The following ZNF804A variants were observed in gnomAD, a reference collection of about 807,000 sequenced individuals.
ZNF804A encodes the protein zinc finger protein 804A.
ZNF804A carries 2 observed loss-of-function variants against 16.5 expected under a neutral mutation model. The ratio of observed to expected loss-of-function variants is 0.12; its 90% CI spans 0.05 to 0.38. The LOEUF is 0.38. ZNF804A is among the 10% of genes least tolerant of loss of function. ZNF804A has a pLI of 0.99. For synonymous variants in ZNF804A, 534 were observed against 489.6 expected (o/e 1.09, Z -1.20); for missense variants, 1,473 against 1,390.7 (o/e 1.06, Z -0.94).
At chr2:184,930,530 A>G (rs865880298) in intron 2 of ZNF804A, among the ~76,000 whole-genome samples, 3 of 152,208 alleles carry the variant, frequency 2.0e-5, no homozygotes, top group African/African-American at 7.2e-5. Flanking sequence ...TCTATAAATC[A>G]TGTCAATTTA....
At chr2:184,801,950 G>A (rs1694733633) in intron 1 of ZNF804A, among the ~76,000 whole-genome samples, 1 of 152,158 alleles carries the variant, frequency 6.6e-6, no homozygotes, top group African/African-American at 2.4e-5. Context: ...GAGTTGGACT[G>A]TGTTTAACAT....
At chr2:184,683,853 A>G (rs933216351) in intron 1 of ZNF804A, among the ~76,000 whole-genome samples, 32 of 152,098 alleles carry the variant, frequency 2.1e-4, no homozygotes, top group Non-Finnish European at 7.3e-5. Flanking sequence ...CTTTCTTATC[A>G]TATGTTCTAT....
rs1335634653 is a variant in ZNF804A, at chr2:184,936,910, C to T, written c.1514C>T (p.Thr505Ile). ...GPLSDYKDVS[T>I]EGLTDYEIGS... The stretch of plus-strand genomic sequence containing the variant: ...CTTTCAGATTACAAGGATGTATCTA[C>T]AGAAGGACTCACTGATTATGAAATT... The change falls in exon 4 of 4, where the codon ACA (threonine) becomes ATA (isoleucine). Residue 505 changes from threonine to isoleucine, a missense_variant. Physicochemically the swap from Thr to Ile is moderately conservative, Grantham distance 89 (BLOSUM62 -1). Coordinates refer to ENST00000302277, the MANE Select transcript of ZNF804A (RefSeq NM_194250.2). The T allele has an allele frequency of 8.1e-6, 13 of 1,613,780 alleles. No homozygotes were observed. The highest frequency in any genetic ancestry group is 2.2e-5 in the East Asian group (1 of 44,860).
intron 1 of ZNF804A, among the ~76,000 whole-genome samples, chr2:184,856,030 C>T (rs2105806417): frequency 6.6e-6 from 1 of 152,050 alleles, no homozygotes; most frequent in African/African-American, 2.4e-5. Flanking sequence ...CAAAACGATT[C>T]TGAAGCAAGG....
chr2:184,770,014 G>C (rs1391369639), intron 1 of ZNF804A, among the ~76,000 whole-genome samples: 1 of 151,974 alleles, frequency 6.6e-6, no homozygotes, highest in East Asian at 1.9e-4. Context: ...TTCGAAGAAA[G>C]ATTGTCATAT....
At chr2:184,820,688 C>A (rs1214450500) in intron 1 of ZNF804A, among the ~76,000 whole-genome samples, 2 of 152,042 alleles carry the variant, frequency 1.3e-5, no homozygotes, top group Non-Finnish European at 2.9e-5. Context: ...AGCCCAGAAG[C>A]TTCTTAAGCC....
intron 1 of ZNF804A, among the ~76,000 whole-genome samples, chr2:184,765,265 TTGG>T (rs1694100685): frequency 6.6e-6 from 1 of 151,992 alleles, no homozygotes; most frequent in African/African-American, 2.4e-5. Context: ...CAGGAGTAAA[TTGG>T]AACGTGCTGC....
chr2:184,777,940 A>T (rs1027664971), intron 1 of ZNF804A, among the ~76,000 whole-genome samples: 1 of 151,702 alleles, frequency 6.6e-6, no homozygotes, highest in Non-Finnish European at 1.5e-5. Flanking sequence ...AATTGACTGA[A>T]CAGCATACTG....
chr2:184,912,951 T>C (rs999043421), intron 2 of ZNF804A, among the ~76,000 whole-genome samples: 1 of 152,226 alleles, frequency 6.6e-6, no homozygotes, highest in East Asian at 1.9e-4. Context: ...CCCATTAATA[T>C]ATTTTTCTTT....
intron 1 of ZNF804A, among the ~76,000 whole-genome samples, chr2:184,743,533 A>G (rs1238433628): frequency 1.3e-5 from 2 of 151,994 alleles, no homozygotes; most frequent in Non-Finnish European, 2.9e-5. Context: ...CAAATGAAAG[A>G]TAAAGAATGT....
At chr2:184,755,525 T>C (rs558965305) in intron 1 of ZNF804A, among the ~76,000 whole-genome samples, 1 of 152,146 alleles carries the variant, frequency 6.6e-6, no homozygotes, top group African/African-American at 2.4e-5. Context: ...GCTTCTTATA[T>C]TGTCATTTTC....
chr2:184,609,608 C>T (rs578177649), intron 1 of ZNF804A, among the ~76,000 whole-genome samples: 4 of 152,284 alleles, frequency 2.6e-5, no homozygotes, highest in African/African-American at 7.2e-5. Flanking sequence ...CCATATCTGG[C>T]GAGGACCTGC....
intron 1 of ZNF804A, among the ~76,000 whole-genome samples, chr2:184,703,285 G>T (rs570819098): frequency 3.9e-5 from 6 of 152,256 alleles, no homozygotes; most frequent in African/African-American, 1.4e-4. Flanking sequence ...TAGTATAAAT[G>T]GAATCTGTTA....
At chr2:184,728,910 A>G (rs1693466601) in intron 1 of ZNF804A, among the ~76,000 whole-genome samples, 1 of 151,952 alleles carries the variant, frequency 6.6e-6, no homozygotes, top group African/African-American at 2.4e-5. Flanking sequence ...AACCTGGAGA[A>G]CATGATATTA....
chr2:184,611,570 A>C (rs1691240073), intron 1 of ZNF804A, among the ~76,000 whole-genome samples: 1 of 152,122 alleles, frequency 6.6e-6, no homozygotes, highest in Non-Finnish European at 1.5e-5. Flanking sequence ...AATTCTTTTA[A>C]TTCTCTTCAA....
chr2:184,820,431 C>A (rs1695056866), intron 1 of ZNF804A, among the ~76,000 whole-genome samples: 1 of 152,000 alleles, frequency 6.6e-6, no homozygotes, highest in Admixed American at 6.6e-5. Flanking sequence ...ATAATAAGCG[C>A]CATATATGAC....
At chr2:184,826,696 T>C (rs1378837812) in intron 1 of ZNF804A, among the ~76,000 whole-genome samples, 1 of 152,244 alleles carries the variant, frequency 6.6e-6, no homozygotes, top group Middle Eastern at 3.4e-3. Context: ...GTTGATTACT[T>C]ATTTGAAGTT....
chr2:184,872,153 A>G (rs1695984523), intron 2 of ZNF804A, among the ~76,000 whole-genome samples: 1 of 152,170 alleles, frequency 6.6e-6, no homozygotes. Flanking sequence ...AATTTAGTAA[A>G]TATATATGAA....
chr2:184,766,653 C>G lies in ZNF804A; in HGVS notation c.112-99716C>G, dbSNP rs995206160. 6.6e-5 allele frequency among the ~76,000 whole-genome samples: 10 copies of G among 150,804 alleles called. 1 individual carries two copies. The highest frequency in any genetic ancestry group is 3.3e-4 in the Admixed American group (5 of 15,118). On this transcript the variant is annotated intron_variant, in intron 1 of 3. Transcript: ENST00000302277. The stretch of plus-strand genomic sequence containing the variant: ...TCAAAAAAAAAAAAAAAGAGAATTA[C>G]CTTACAATCCAACAGTTTTATTCCT...
Sources: gnomAD v4.1 joint callset for allele counts (sites outside exome capture counted in the v4.1 genomes callset) on GRCh38, gnomAD v4.1.1 for gene constraint, MANE v1.5 for transcripts, NCBI Gene and HGNC (gene_info 2026-07-23, HGNC 2026-07-21) for gene names.